SNW1: variants seen among roughly 807,000 people sequenced by gnomAD.
SNW1 encodes the protein SNW domain containing 1, also known as SNW domain-containing protein 1.
A neutral mutation model predicts 75.6 loss-of-function variants in SNW1; 9 were observed. That is an observed-to-expected ratio of 0.12 (90% CI 0.07 to 0.21). SNW1 has a LOEUF of 0.21. Ranked by LOEUF, SNW1 falls within the 10% of genes least tolerant of loss-of-function variation. SNW1 has a pLI of 1.00. For synonymous variants in SNW1, 200 were observed against 219.1 expected (o/e 0.91, Z 0.77); for missense variants, 409 against 670.9 (o/e 0.61, Z 4.31).
intron 3 of SNW1, among the ~76,000 whole-genome samples, chr14:77,746,555 C>T (rs1158456555): frequency 6.6e-6 from 1 of 152,140 alleles, no homozygotes; most frequent in Non-Finnish European, 1.5e-5. Flanking sequence ...AGTAAGTCCA[C>T]ACCTAAGAAT....
chr14:77,722,975 G>A, intron 11 of SNW1: 1 of 510,650 alleles, frequency 2.0e-6, no homozygotes, highest in South Asian at 2.0e-5. Context: ...CTGCCAAGTA[G>A]CTGGGACTAC....
At chr14:77,723,846 G>A (rs2080563284) in intron 10 of SNW1, among the ~76,000 whole-genome samples, 1 of 152,150 alleles carries the variant, frequency 6.6e-6, no homozygotes, top group Non-Finnish European at 1.5e-5. Flanking sequence ...TAGAGATGGA[G>A]TTTCACCAAG....
chr14:77,724,110 A>G (rs1318061195), intron 10 of SNW1, among the ~76,000 whole-genome samples: 3 of 152,340 alleles, frequency 2.0e-5, no homozygotes, highest in Non-Finnish European at 2.9e-5. Context: ...TTGAAATGCA[A>G]TGCAGTAAAT....
At chr14:77,727,240 G>A (rs1208574861) in intron 10 of SNW1, among the ~76,000 whole-genome samples, 1 of 152,080 alleles carries the variant, frequency 6.6e-6, no homozygotes, top group Non-Finnish European at 1.5e-5. Context: ...TTTTAGTACA[G>A]ACGGGGTTTC....
intron 1 of SNW1, 110 bp downstream of exon 1, chr14:77,761,004 G>C (rs774425361): frequency 6.2e-7 from 1 of 1,613,530 alleles, no homozygotes; most frequent in South Asian, 1.1e-5. Flanking sequence ...CTTGGCCCAC[G>C]TCATTCTGTG....
intron 3 of SNW1, among the ~76,000 whole-genome samples, chr14:77,746,447 TG>T (rs2080761066): frequency 6.6e-6 from 1 of 152,128 alleles, no homozygotes; most frequent in Non-Finnish European, 1.5e-5. Flanking sequence ...AATAAATAGA[TG>T]GAAGGTCTGA....
At chr14:77,722,255 A>C (rs1447553564) in intron 11 of SNW1, among the ~76,000 whole-genome samples, 1 of 151,998 alleles carries the variant, frequency 6.6e-6, no homozygotes, top group East Asian at 1.9e-4. Flanking sequence ...CCCAATTCCT[A>C]CTTTACTCTA....
At chr14:77,755,493 A>G (rs2080836781) in intron 1 of SNW1, among the ~76,000 whole-genome samples, 1 of 151,880 alleles carries the variant, frequency 6.6e-6, no homozygotes. Flanking sequence ...ATCTCCACTC[A>G]CTGCAACCTC....
chr14:77,719,499 T>C (rs2080520419), intron 12 of SNW1, among the ~76,000 whole-genome samples: 1 of 152,136 alleles, frequency 6.6e-6, no homozygotes, highest in South Asian at 2.1e-4. Flanking sequence ...TAGCCTGGCA[T>C]GGTGGCACAT....
chr14:77,747,919 C>T (rs538841763), intron 3 of SNW1, among the ~76,000 whole-genome samples: 106 of 152,326 alleles, frequency 7.0e-4, no homozygotes, highest in African/African-American at 2.5e-3. Flanking sequence ...GTGTACCCAA[C>T]AGCTCATTGA....
In SNW1 at chr14:77,738,732, G is replaced by C. The variant is rs1337743176; in HGVS notation, c.533+46C>G. 3 of 1,428,538 alleles carry C rather than the reference G, an allele frequency of 2.1e-6. No homozygotes were observed. The Admixed American group carries it at 5.2e-5, about 25-fold the overall frequency. 88.5% of individuals were successfully genotyped at this position (1,428,538 alleles called of 1,614,324 possible). ...AAAGAATACCATGACCCCCCAAGCT[G>C]AATCAAGTTCAGAATGAAACTAAGT... On this transcript the variant is annotated intron_variant, in intron 5 of 13. Transcript: ENST00000261531.
In SNW1 at chr14:77,718,379, A is replaced by T; in HGVS notation, c.1400T>A (p.Ile467Lys). The T allele has an allele frequency of 6.2e-7, 1 of 1,614,166 alleles. No individual in the cohort carries two copies. The change falls in exon 13 of 14, where the codon ATA becomes AAA. Residue 467 changes from isoleucine to lysine, a missense_variant. Transcript: ENST00000261531. ...TATGGCTTGGCACCTGTTGGTCTTT[A>T]TTCTGGCTTCTAGGTCATCACCATA... ...DMYGDDLEAR[I>K]KTNRFVPDKE...
chr14:77,745,881 G>A (rs1000021833), intron 3 of SNW1, among the ~76,000 whole-genome samples: 2 of 151,872 alleles, frequency 1.3e-5, no homozygotes, highest in African/African-American at 4.8e-5. Context: ...AAAATTAGCC[G>A]GGCATGGTGG....
At position 77,735,785 on chromosome 14, in the gene SNW1, C is replaced by T. The variant is rs931291716; in HGVS notation, c.708+152G>A. 6.8e-6 allele frequency: 4 copies of T among 584,188 alleles called. No individual in the cohort carries two copies. The African/African-American group carries it at 7.5e-5, about 11-fold the overall frequency. The allele number at this position is 584,188 out of a possible 1,614,324, so 36.2% of individuals were successfully genotyped here. On this transcript the variant is annotated intron_variant, in intron 7 of 13. Transcript: ENST00000261531. ...TTACAGCTAACATGTTATATACATT[C>T]TCATAAGCATTCTTGAAACTTCATC...
chr14:77,720,152 G>A (rs2080527513), intron 12 of SNW1, among the ~76,000 whole-genome samples: 1 of 152,180 alleles, frequency 6.6e-6, no homozygotes, highest in Non-Finnish European at 1.5e-5. Flanking sequence ...AGGCACTTTT[G>A]TAGGACACTG....
rs545520482 is a variant in SNW1 at position 77,731,508 on chromosome 14, G to C, written c.892-379C>G. 8.5e-5 allele frequency among the ~76,000 whole-genome samples: 13 copies of C among 152,280 alleles called. No individual in the cohort carries two copies. In the East Asian group the frequency reaches 2.3e-3, roughly 27 times the overall value. On this transcript the variant is annotated intron_variant, in intron 9 of 13. Transcript: ENST00000261531. ...GGACTGCTTGAGCTCAGGAGCTTGG[G>C]ACCAGCCTAGGCAACATAGTGAGAT...
At chr14:77,744,446 C>CAAAAAAAAAAAAAAAAAAAAAAAGTAAAA (rs11335115) in intron 3 of SNW1, among the ~76,000 whole-genome samples, 1 of 82,964 alleles carries the variant, frequency 1.2e-5, no homozygotes, top group Non-Finnish European at 2.2e-5. Flanking sequence ...GTCTCCATCT[C>CAAAAAAAAAAAAAAAAAAAAAAAGTAAAA]AAAAAAAAAA....
chr14:77,727,033 G>C (rs978189552), intron 10 of SNW1, among the ~76,000 whole-genome samples: 5 of 151,628 alleles, frequency 3.3e-5, no homozygotes, highest in Admixed American at 3.3e-4. Flanking sequence ...TACTGTCTCT[G>C]ACAAAGTATA....
chr14:77,755,405 G>C (rs1169313639), intron 1 of SNW1, among the ~76,000 whole-genome samples: 1 of 152,046 alleles, frequency 6.6e-6, no homozygotes, highest in African/African-American at 2.4e-5. Flanking sequence ...AAACTCTTAA[G>C]CGTTTATGCT....
Sources: allele counts gnomAD v4.1 joint callset (sites outside exome capture counted in the v4.1 genomes callset), GRCh38; gene constraint gnomAD v4.1.1; transcripts MANE v1.5; gene names NCBI Gene and HGNC (gene_info 2026-07-23, HGNC 2026-07-21).